NUP62: variants seen among roughly 807,000 people sequenced by gnomAD.
NUP62 encodes nuclear pore glycoprotein p62.
For missense variants in NUP62, 647 were observed against 689.4 expected (o/e 0.94, Z 0.69); for synonymous variants, 305 against 303.4 (o/e 1.01, Z -0.05).
At chr19:49,913,565 G>A (rs1165664150) in intron 2 of NUP62, among the ~76,000 whole-genome samples, 3 of 152,240 alleles carry the variant, frequency 2.0e-5, no homozygotes, top group Middle Eastern at 3.2e-3. Context: ...ACCACACGCT[G>A]TTGCAGGGAG....
intron 2 of NUP62, among the ~76,000 whole-genome samples, chr19:49,924,791 CCT>C (rs2075846325): frequency 1.3e-5 from 2 of 152,276 alleles, no homozygotes; most frequent in African/African-American, 4.8e-5. Context: ...ACCCACTCAC[CCT>C]GAGTCCAGCT....
At position 49,929,454 on chromosome 19, in the gene NUP62, G is replaced by C. The variant is rs893602781; in HGVS notation, c.-328C>G. 1 of 152,678 alleles carries C rather than the reference G, an allele frequency of 6.5e-6. No individual in the cohort carries two copies. Among genetic ancestry groups the C allele is most frequent in the African/African-American group, 2.4e-5 (1 of 41,476 alleles). 9.5% of individuals were successfully genotyped at this position (152,678 alleles called of 1,614,324 possible). A position where few individuals can be genotyped will look rare whatever the true frequency, so the allele number is the denominator to read the frequency against. Reference sequence around the variant, plus strand: ...TGCCTTTCCCGCCCTTTCGCAGCTCGTGGCCCTCTTTAGGGAGCCCTGGGG... The same window carrying C: ...TGCCTTTCCCGCCCTTTCGCAGCTCCTGGCCCTCTTTAGGGAGCCCTGGGG... On this transcript the variant is annotated 5_prime_UTR_variant, in exon 1 of 3. Coordinates refer to ENST00000352066, the MANE Select transcript of NUP62 (RefSeq NM_016553.5).
Position 49,909,029 on chromosome 19 carries a change from G to C in NUP62, c.779C>G (p.Ala260Gly). 1.2e-6 allele frequency: 2 copies of C among 1,613,174 alleles called. No individual in the cohort carries two copies. The highest frequency in any genetic ancestry group is 2.2e-5 in the South Asian group (2 of 91,066). Residue 260 changes from alanine to glycine, a missense_variant, in exon 3 of 3, where the codon GCA becomes GGA. Ala to Gly is a moderately conservative substitution (Grantham distance 60). Transcript: ENST00000352066. ...TAGTQGFSLK[A>G]PGAASGTSTT... ...GGAGGTGCCGGAAGCTGCTCCAGGT[G>C]CCTTTAAGCTGAAGCCCTGTGTCCC...
In NUP62 at chr19:49,908,493, T is replaced by C; in HGVS notation, c.1315A>G (p.Asn439Asp). The C allele has an allele frequency of 6.2e-7, 1 of 1,614,110 alleles. No individual in the cohort carries two copies. The highest frequency in any genetic ancestry group is 8.5e-7 in the Non-Finnish European group (1 of 1,180,032). Residue 439 changes from asparagine (N) to aspartate (D), a missense_variant, in exon 3 of 3, where the codon AAC (asparagine) becomes GAC (aspartate). Transcript: ENST00000352066. ...EREKTYKLAE[N>D]IDAQLKRMAQ... ...ATGCGCTTGAGCTGTGCATCGATGT[T>C]CTCAGCCAGCTTGTAGGTTTTCTCA...
chr19:49,922,562 GCT>G (rs887176654), intron 2 of NUP62, among the ~76,000 whole-genome samples: 3 of 151,966 alleles, frequency 2.0e-5, no homozygotes, highest in African/African-American at 4.8e-5. Flanking sequence ...GGTTCCTTTT[GCT>G]CTCTGCTGTG....
At chr19:49,920,555 G>A (rs1029296382) in intron 2 of NUP62, among the ~76,000 whole-genome samples, 10 of 152,228 alleles carry the variant, frequency 6.6e-5, no homozygotes, top group Admixed American at 2.0e-4. Context: ...CAACCAGGGG[G>A]TGCTGGGAAG....
At chr19:49,916,148 G>C (rs35246621) in intron 2 of NUP62, among the ~76,000 whole-genome samples, 24,030 of 152,228 alleles carry the variant, frequency 0.16, 2,449 homozygotes, top group Non-Finnish European at 0.23. Context: ...GCAGACCCAT[G>C]ATGGGAAACC....
At position 49,907,185 on chromosome 19, in the gene NUP62, C is replaced by T. The variant is rs994860166; in HGVS notation, c.*1054G>A. ...ATCTAACAGCGAGACGAGGCACAAA[C>T]GGCTAGCACAGGATAGCATAACAAG... On this transcript the variant is annotated 3_prime_UTR_variant, in exon 3 of 3. Coordinates refer to ENST00000352066, the MANE Select transcript of NUP62 (RefSeq NM_016553.5). 6.2e-5 allele frequency: 11 copies of T among 178,448 alleles called. No homozygotes were observed. The highest frequency in any genetic ancestry group is 1.9e-4 in the African/African-American group (8 of 41,590). 11.1% of individuals were successfully genotyped at this position (178,448 alleles called of 1,614,324 possible). A position where few individuals can be genotyped will look rare whatever the true frequency, so the allele number is the denominator to read the frequency against.
chr19:49,915,699 CA>C (rs1468131510), intron 2 of NUP62, among the ~76,000 whole-genome samples: 4 of 152,188 alleles, frequency 2.6e-5, no homozygotes, highest in Non-Finnish European at 4.4e-5. Context: ...GGGCTGGGGT[CA>C]GGGGCAGGTC....
Position 49,913,903 on chromosome 19 carries a change from G to A in NUP62, c.-77-4019C>T, listed in dbSNP as rs1319111995. The stretch of plus-strand genomic sequence containing the variant: ...ACTTTATGGGTGTGGGGGATGAACC[G>A]TAGGGGTAGAGGCTGGAGGCCAGGT... On this transcript the variant is annotated intron_variant, in intron 2 of 2. Transcript: ENST00000352066. 3.9e-5 allele frequency among the ~76,000 whole-genome samples: 6 copies of A among 152,186 alleles called. No individual in the cohort carries two copies. The East Asian group carries it at 5.8e-4, about 15-fold the overall frequency.
At chr19:49,925,935 G>A (rs938408948) in intron 2 of NUP62, among the ~76,000 whole-genome samples, 5 of 152,148 alleles carry the variant, frequency 3.3e-5, no homozygotes, top group African/African-American at 7.2e-5. Context: ...ACCCCCTTGG[G>A]TACGGTGGCT....
Position 49,909,858 on chromosome 19 carries a change from T to C in NUP62, c.-51A>G. On this transcript the variant is annotated 5_prime_UTR_variant, in exon 3 of 3. Transcript: ENST00000352066. ...TACTCTGGCTCCCAAAGCAAATCCG[T>C]CGGTGTCTGCAGCCTTGGGAAGATT... is the stretch of plus-strand genomic sequence containing the variant. The C allele has an allele frequency of 1.3e-6, 2 of 1,583,300 alleles. No homozygotes were observed. Among genetic ancestry groups the C allele is most frequent in the South Asian group, 2.2e-5 (2 of 90,170 alleles).
intron 2 of NUP62, among the ~76,000 whole-genome samples, chr19:49,920,036 A>AC (rs1219271388): frequency 6.6e-6 from 1 of 150,558 alleles, no homozygotes; most frequent in Non-Finnish European, 1.5e-5. Flanking sequence ...TGGGCCTCCC[A>AC]CCTCAGCCTC....
rs1444879329 is a variant in NUP62 at position 49,909,444 on chromosome 19, T to C, written c.364A>G (p.Thr122Ala). 1.2e-6 allele frequency: 2 copies of C among 1,613,870 alleles called. No homozygotes were observed. The highest frequency in any genetic ancestry group is 1.1e-5 in the South Asian group (1 of 91,078). Residue 122 changes from threonine (T) to alanine (A), a missense_variant, in exon 3 of 3, where the codon ACT (threonine) becomes GCT (alanine). Transcript: ENST00000352066. ...SGFGLGSSNL[T>A]NAISSTVTSS... ...GTGACGGTGCTCGATATGGCATTAG[T>C]GAGGTTGCTGCTGCCCAGCCCAAAG...
intron 2 of NUP62, among the ~76,000 whole-genome samples, chr19:49,913,789 T>C (rs1384567802): frequency 1.3e-5 from 2 of 152,342 alleles, no homozygotes; most frequent in Non-Finnish European, 2.9e-5. Context: ...TCTTGGGGAC[T>C]GTGGGCCACG....
intron 2 of NUP62, among the ~76,000 whole-genome samples, chr19:49,924,070 T>C (rs1336763121): frequency 6.6e-6 from 1 of 152,114 alleles, no homozygotes; most frequent in Non-Finnish European, 1.5e-5. Flanking sequence ...CAGGAATCGA[T>C]AGCGTCTGGC....
chr19:49,914,726 GTTTT>G (rs530372497), intron 2 of NUP62, among the ~76,000 whole-genome samples: 6 of 56,404 alleles, frequency 1.1e-4, no homozygotes, highest in Non-Finnish European at 9.6e-5. Context: ...CCAAGTCCCA[GTTTT>G]TTTTTTTTTT....
intron 2 of NUP62, among the ~76,000 whole-genome samples, chr19:49,926,723 A>G (rs1487346276): frequency 6.6e-6 from 1 of 152,192 alleles, no homozygotes; most frequent in African/African-American, 2.4e-5. Flanking sequence ...ATGGAATGAG[A>G]ACACATCCAC....
At position 49,909,855 on chromosome 19, in the gene NUP62, C is replaced by T; in HGVS notation, c.-48G>A. 14 of 1,586,610 alleles carry T rather than the reference C, an allele frequency of 8.8e-6. No individual in the cohort carries two copies. The highest frequency in any genetic ancestry group is 1.2e-5 in the Non-Finnish European group (14 of 1,156,874). On this transcript the variant is annotated 5_prime_UTR_variant, in exon 3 of 3. Transcript: ENST00000352066. ...AGCTACTCTGGCTCCCAAAGCAAAT[C>T]CGTCGGTGTCTGCAGCCTTGGGAAG... is the stretch of plus-strand genomic sequence containing the variant.
Sources: allele counts gnomAD v4.1 joint callset (sites outside exome capture counted in the v4.1 genomes callset), GRCh38; gene constraint gnomAD v4.1.1; transcripts MANE v1.5; gene names NCBI Gene and HGNC (gene_info 2026-07-23, HGNC 2026-07-21).